The following RTL4 variants were observed in gnomAD, a reference collection of about 807,000 sequenced individuals.
The protein encoded by RTL4 is retrotransposon Gag-like protein 4.
In RTL4, 4 loss-of-function variants were observed where a neutral mutation model predicts 5.3. The ratio of observed to expected loss-of-function variants is 0.75; its 90% CI spans 0.37 to 1.72. RTL4 has a LOEUF of 1.72. Among genes scored for constraint, RTL4 ranks in the 40% most tolerant of loss-of-function variants. The pLI is 0.04. For synonymous variants in RTL4, 98 were observed against 87.3 expected (o/e 1.12, Z -0.68); for missense variants, 260 against 227.1 (o/e 1.14, Z -0.93).
chrX:112,392,985 C>T, the RTL4 span, among the ~76,000 whole-genome samples: 3 of 109,280 alleles, frequency 2.7e-5, no homozygotes, highest in Non-Finnish European at 5.7e-5. Flanking sequence ...GAGCTCTGTC[C>T]CAGGGAGGTT....
the RTL4 span, among the ~76,000 whole-genome samples, chrX:112,418,077 G>A: frequency 9.0e-6 from 1 of 111,409 alleles, no homozygotes; most frequent in East Asian, 2.8e-4. Context: ...GAACCCAGGA[G>A]GTGGAGGTTG....
the RTL4 span, among the ~76,000 whole-genome samples, chrX:112,258,937 C>T: frequency 2.7e-5 from 3 of 111,224 alleles, no homozygotes; most frequent in Admixed American, 1.9e-4. Context: ...TGTTTCCTGG[C>T]ACATTTTAAA....
chrX:112,437,539 T>C, the RTL4 span, among the ~76,000 whole-genome samples: 1 of 110,989 alleles, frequency 9.0e-6, no homozygotes, highest in East Asian at 2.8e-4. Flanking sequence ...TATATATATA[T>C]ACAACAACAG....
chrX:112,254,677 G>A, the RTL4 span, among the ~76,000 whole-genome samples: 2 of 110,013 alleles, frequency 1.8e-5, no homozygotes, highest in Non-Finnish European at 3.8e-5. Context: ...GGGGCGGGGG[G>A]CATTAAGAAG....
the RTL4 span, among the ~76,000 whole-genome samples, chrX:112,268,966 T>G: frequency 8.9e-6 from 1 of 112,369 alleles, no homozygotes; most frequent in East Asian, 2.8e-4. Context: ...CTTCCTGCCG[T>G]TTGAATGCAG....
At chrX:112,150,790 T>C in the RTL4 span, among the ~76,000 whole-genome samples, 1 of 112,383 alleles carries the variant, frequency 8.9e-6, no homozygotes, top group African/African-American at 3.2e-5. Context: ...CCAGGGTTTT[T>C]GCTTTAATAG....
upstream of RTL4, among the ~76,000 whole-genome samples, chrX:112,450,285 G>C (rs1249417381): frequency 2.7e-5 from 3 of 112,220 alleles, no homozygotes; most frequent in Non-Finnish European, 5.6e-5. Context: ...ACACTAAAAT[G>C]ACCTGTAATA....
chrX:112,321,056 A>T, the RTL4 span, among the ~76,000 whole-genome samples: 90 of 111,247 alleles, frequency 8.1e-4, no homozygotes, highest in African/African-American at 2.7e-3. Flanking sequence ...GCTTTCAGGG[A>T]ACTATTTGTT....
chrX:112,129,803 C>G, the RTL4 span, among the ~76,000 whole-genome samples: 1 of 111,670 alleles, frequency 9.0e-6, no homozygotes, highest in Non-Finnish European at 1.9e-5. Context: ...GTGAATTTAG[C>G]AAGGGTACAG....
chrX:112,380,139 C>T, the RTL4 span, among the ~76,000 whole-genome samples: 1 of 98,623 alleles, frequency 1.0e-5, no homozygotes, highest in Non-Finnish European at 2.0e-5. Context: ...TTCATTCAAG[C>T]ATGAAGATCA....
At chrX:112,357,818 T>C in the RTL4 span, among the ~76,000 whole-genome samples, 1 of 111,909 alleles carries the variant, frequency 8.9e-6, no homozygotes, top group African/African-American at 3.2e-5. Flanking sequence ...GTGCTTTTAC[T>C]GGACAGGCTT....
At chrX:112,302,968 C>T in the RTL4 span, among the ~76,000 whole-genome samples, 2 of 111,943 alleles carry the variant, frequency 1.8e-5, no homozygotes, top group East Asian at 2.8e-4. Context: ...ATCCAGAGGA[C>T]GTAGAATGTA....
the RTL4 span, among the ~76,000 whole-genome samples, chrX:112,182,863 T>A: frequency 9.0e-6 from 1 of 111,375 alleles, no homozygotes; most frequent in African/African-American, 3.3e-5. Flanking sequence ...CACATAATCA[T>A]CAGATTCATC....
At chrX:112,128,532 G>A in the RTL4 span, among the ~76,000 whole-genome samples, 3 of 108,874 alleles carry the variant, frequency 2.8e-5, no homozygotes, top group African/African-American at 6.7e-5. Context: ...AGTGGCACGC[G>A]CCTGTAGTCC....
chrX:112,426,899 A>G, the RTL4 span, among the ~76,000 whole-genome samples: 1 of 111,374 alleles, frequency 9.0e-6, no homozygotes, highest in Non-Finnish European at 1.9e-5. Context: ...GAAATGAAAT[A>G]AAATCAGAAT....
chrX:112,288,165 G>C, the RTL4 span, among the ~76,000 whole-genome samples: 5 of 112,058 alleles, frequency 4.5e-5, no homozygotes, highest in Non-Finnish European at 9.4e-5. Flanking sequence ...ACTTATGAAG[G>C]CTGCAAATAC....
the RTL4 span, among the ~76,000 whole-genome samples, chrX:112,111,358 T>C: frequency 8.0e-5 from 9 of 111,920 alleles, no homozygotes; most frequent in African/African-American, 2.9e-4. Flanking sequence ...TCTCTCTGTC[T>C]TTCCTCTCTG....
At chrX:112,308,911 T>C in the RTL4 span, among the ~76,000 whole-genome samples, 1 of 111,649 alleles carries the variant, frequency 9.0e-6, no homozygotes, top group Non-Finnish European at 1.9e-5. Flanking sequence ...TTCCTTCTGT[T>C]ACCCAGTGCC....
At chrX:112,105,661 A>G in the RTL4 span, among the ~76,000 whole-genome samples, 1 of 110,734 alleles carries the variant, frequency 9.0e-6, no homozygotes, top group Non-Finnish European at 1.9e-5. Flanking sequence ...AAATGAGACT[A>G]TTTTCTTGAT....
Sources: allele counts gnomAD v4.1 joint callset (sites outside exome capture counted in the v4.1 genomes callset), GRCh38; gene constraint gnomAD v4.1.1; transcripts MANE v1.5; gene names NCBI Gene and HGNC (gene_info 2026-07-23, HGNC 2026-07-21).